Variants in CMKLR1 observed in about 807,000 individuals in gnomAD.
CMKLR1 encodes the protein chemerin-like receptor 1.
A neutral mutation model predicts 8.2 loss-of-function variants in CMKLR1; 6 were observed. That is an observed-to-expected ratio of 0.73 (90% CI 0.40 to 1.44). The LOEUF (loss-of-function observed/expected upper bound fraction) is 1.44, where lower values mean the gene tolerates loss of function less well. CMKLR1 is among the 40% of genes most tolerant of loss of function. The pLI is 0.02. For missense variants in CMKLR1, 429 were observed against 478.0 expected, an observed-to-expected ratio of 0.90 and a Z score of 0.96; for synonymous variants, 178 against 181.2, an observed-to-expected ratio of 0.98 and a Z score of 0.14.
rs375044878 is a variant in CMKLR1 at position 108,291,823 on chromosome 12, G to A, written c.*18C>T. On this transcript the variant is annotated 3_prime_UTR_variant, in exon 4 of 4. Transcript: ENST00000550402. ...TCCCTGGGTTGAGAGAGTCCATTGAGGGGTTCCACAGTGAGGATCAAAGCA... is the reference window on the plus strand; with the variant it reads ...TCCCTGGGTTGAGAGAGTCCATTGAAGGGTTCCACAGTGAGGATCAAAGCA... 9 of 1,598,512 alleles carry A rather than the reference G, an allele frequency of 5.6e-6. No individual in the cohort carries two copies. In the African/African-American group the frequency reaches 8.0e-5, roughly 14 times the overall value.
chr12:108,334,020 C>T (rs557115139), intron 1 of CMKLR1, among the ~76,000 whole-genome samples: 24 of 152,372 alleles, frequency 1.6e-4, no homozygotes, highest in African/African-American at 5.5e-4. Context: ...TCAGCAGGGG[C>T]TATGGAAAAA....
At chr12:108,334,649 A>G (rs940024054) in intron 1 of CMKLR1, among the ~76,000 whole-genome samples, 3 of 152,198 alleles carry the variant, frequency 2.0e-5, no homozygotes, top group African/African-American at 7.2e-5. Context: ...TAACCACACC[A>G]TGTACACGTA....
In CMKLR1 at chr12:108,291,966, G is replaced by T. The variant is rs370160040; in HGVS notation, c.997C>A (p.Arg333Ser). The change falls in exon 4 of 4, where the codon CGC (arginine) becomes AGC (serine). Residue 333 changes from arginine to serine, a missense_variant. By Grantham distance (110) the Arg-to-Ser change is moderately radical. Transcript: ENST00000550402. Reference protein sequence around the residue: ...FKKFKVALFSRLVNALSEDTG... With the variant: ...FKKFKVALFSSLVNALSEDTG... ...TCTTCACTTAGAGCATTGACCAGGC[G>T]AGAGAAGAGGGCCACCTTGAACTTC... is the stretch of plus-strand genomic sequence containing the variant. The T allele has an allele frequency of 2.5e-6, 4 of 1,614,184 alleles. No homozygotes were observed. The highest frequency in any genetic ancestry group is 3.4e-6 in the Non-Finnish European group (4 of 1,180,046).
intron 2 of CMKLR1, among the ~76,000 whole-genome samples, chr12:108,309,482 C>T (rs1891495088): frequency 6.6e-6 from 1 of 151,600 alleles, no homozygotes; most frequent in Non-Finnish European, 1.5e-5. Context: ...CTGCAGTGAG[C>T]TATGATTGCA....
At position 108,292,354 on chromosome 12, in the gene CMKLR1, C is replaced by T; in HGVS notation, c.609G>A (p.Trp203Ter). Reference sequence around the variant, plus strand: ...CAGGGTCCATTTGGGAGTGAGTGGGCCACGAGGAAGACCCAGGTGTGGACA... The same window carrying T: ...CAGGGTCCATTTGGGAGTGAGTGGGTCACGAGGAAGACCCAGGTGTGGACA... ...FSLSTPGSSS[W>*]PTHSQMDPVG... is the part of the protein sequence containing the mutation. The change falls in exon 4 of 4, where the codon TGG (tryptophan) becomes TGA (stop). Residue 203 changes from tryptophan (W) to a stop codon, truncating the protein, a stop_gained. Coordinates refer to ENST00000550402, the MANE Select transcript of CMKLR1 (RefSeq NM_001142343.2). LOFTEE classifies it low-confidence loss of function (END_TRUNC). The T allele has an allele frequency of 6.2e-7, 1 of 1,614,132 alleles. No homozygotes were observed. Among genetic ancestry groups the T allele is most frequent in the South Asian group, 1.1e-5 (1 of 91,076 alleles).
intron 2 of CMKLR1, chr12:108,317,790 C>T (rs1011462425): frequency 9.9e-5 from 15 of 152,216 alleles, no homozygotes; most frequent in African/African-American, 3.4e-4. Context: ...TTCAAACCAT[C>T]TAAAACTATA....
Position 108,328,942 on chromosome 12 carries a change from G to A in CMKLR1, c.-74+1053C>T, listed in dbSNP as rs148403364. 9.2e-5 allele frequency among the ~76,000 whole-genome samples: 14 copies of A among 152,266 alleles called. No individual in the cohort carries two copies. The East Asian group carries it at 1.7e-3, about 19-fold the overall frequency. On this transcript the variant is annotated intron_variant, in intron 2 of 3. Transcript: ENST00000550402. ...ATTTCCTCTCAGCCTCTATGCCTACGTCCATCAGCAAGTCCTGGGAGTGGT... is the reference window on the plus strand; with the variant it reads ...ATTTCCTCTCAGCCTCTATGCCTACATCCATCAGCAAGTCCTGGGAGTGGT...
chr12:108,338,853 C>T (rs937697986), intron 1 of CMKLR1, among the ~76,000 whole-genome samples, 174 bp downstream of exon 1: 7 of 152,184 alleles, frequency 4.6e-5, no homozygotes, highest in Non-Finnish European at 8.8e-5. Flanking sequence ...TGTATCCTTG[C>T]TATTTCTTTA....
intron 2 of CMKLR1, among the ~76,000 whole-genome samples, chr12:108,324,684 A>T (rs548071707): frequency 3.2e-3 from 482 of 152,348 alleles, no homozygotes; most frequent in Non-Finnish European, 5.6e-3. Flanking sequence ...GCAGTTTAAA[A>T]ATAAAACACA....
chr12:108,318,296 C>A (rs1891780916), intron 2 of CMKLR1, among the ~76,000 whole-genome samples: 1 of 152,188 alleles, frequency 6.6e-6, no homozygotes, highest in Admixed American at 6.5e-5. Flanking sequence ...GGGCTTTAAG[C>A]ACTCCCTTTG....
chr12:108,312,498 G>A (rs763631776), intron 2 of CMKLR1, among the ~76,000 whole-genome samples: 2 of 152,188 alleles, frequency 1.3e-5, no homozygotes, highest in African/African-American at 2.4e-5. Flanking sequence ...AGAGTCTGGG[G>A]CTCATGGAAT....
In CMKLR1 at chr12:108,291,691, C is replaced by T. The variant is rs1472164000; in HGVS notation, c.*150G>A. On this transcript the variant is annotated 3_prime_UTR_variant, in exon 4 of 4. Transcript: ENST00000550402. ...CACTAGAAGAAAGGGGTTCCAGGCCCTAGATTCCCAGCATAAAACACTGTT... is the reference window on the plus strand; with the variant it reads ...CACTAGAAGAAAGGGGTTCCAGGCCTTAGATTCCCAGCATAAAACACTGTT... 3 of 798,732 alleles carry T rather than the reference C, an allele frequency of 3.8e-6. No individual in the cohort carries two copies. The highest frequency in any genetic ancestry group is 6.1e-6 in the Non-Finnish European group (3 of 490,728). 49.5% of individuals were successfully genotyped at this position (798,732 alleles called of 1,614,324 possible). A position where few individuals can be genotyped will look rare whatever the true frequency, so the allele number is the denominator to read the frequency against.
chr12:108,311,155 A>G (rs955657986), intron 2 of CMKLR1, among the ~76,000 whole-genome samples: 1 of 152,206 alleles, frequency 6.6e-6, no homozygotes, highest in Non-Finnish European at 1.5e-5. Flanking sequence ...CGTGATGACG[A>G]TGGAGAAGCA....
rs146323782 is a variant in CMKLR1, at chr12:108,311,386, G to A, written c.-73-17722C>T. 1.6e-3 allele frequency among the ~76,000 whole-genome samples: 240 copies of A among 152,298 alleles called. 2 individuals are homozygous for A. The highest frequency in any genetic ancestry group is 4.5e-3 in the African/African-American group (186 of 41,564). ...TCCCAGCACTTTGGGAGGCTGAGGCGGGAGGGTCACTTATAGCCAGGAGTA... is the reference window on the plus strand; with the variant it reads ...TCCCAGCACTTTGGGAGGCTGAGGCAGGAGGGTCACTTATAGCCAGGAGTA... On this transcript the variant is annotated intron_variant, in intron 2 of 3. Coordinates refer to ENST00000550402, the MANE Select transcript of CMKLR1 (RefSeq NM_001142343.2).
In CMKLR1 at chr12:108,292,975, G is replaced by A; in HGVS notation, c.4-16C>T. ...CCTCCATTCTCTGCAAGAGAAGACA[G>A]GGACCATTAGAGGAACCCTAGAGTT... On this transcript the variant is annotated splice_polypyrimidine_tract_variant and intron_variant, in intron 3 of 3. Coordinates refer to ENST00000550402, the MANE Select transcript of CMKLR1 (RefSeq NM_001142343.2). 6.3e-7 allele frequency: 1 copy of A among 1,588,458 alleles called. No individual in the cohort carries two copies. The highest frequency in any genetic ancestry group is 8.6e-7 in the Non-Finnish European group (1 of 1,166,216).
chr12:108,325,190 C>T (rs558580696), intron 2 of CMKLR1, among the ~76,000 whole-genome samples: 2 of 152,274 alleles, frequency 1.3e-5, no homozygotes, highest in South Asian at 4.2e-4. Context: ...AGACACCACA[C>T]CCCTCGGGGA....
At chr12:108,319,400 A>T (rs541263388) in intron 2 of CMKLR1, among the ~76,000 whole-genome samples, 35 of 152,318 alleles carry the variant, frequency 2.3e-4, no homozygotes, top group Middle Eastern at 6.8e-3. Flanking sequence ...CTAGGACTTC[A>T]ACCCAAAAGC....
intron 2 of CMKLR1, among the ~76,000 whole-genome samples, chr12:108,318,901 G>A (rs936965116): frequency 1.3e-5 from 2 of 152,148 alleles, no homozygotes; most frequent in African/African-American, 4.8e-5. Context: ...TCCCCTCCAC[G>A]AATTAGTCTC....
chr12:108,332,446 G>A (rs1430270021), intron 1 of CMKLR1, among the ~76,000 whole-genome samples: 3 of 152,232 alleles, frequency 2.0e-5, no homozygotes, highest in Non-Finnish European at 4.4e-5. Context: ...GCATGTGTCT[G>A]TGTGGGTGTT....
Sources: gnomAD v4.1 joint callset for allele counts (sites outside exome capture counted in the v4.1 genomes callset) on GRCh38, gnomAD v4.1.1 for gene constraint, MANE v1.5 for transcripts, NCBI Gene and HGNC (gene_info 2026-07-23, HGNC 2026-07-21) for gene names.